Variants in FAM91A1 observed in about 807,000 individuals in gnomAD.
The protein encoded by FAM91A1 is family with sequence similarity 91 member A1.
A neutral mutation model predicts 113.5 loss-of-function variants in FAM91A1; 41 were observed. The observed-to-expected ratio is 0.36, with a 90% CI of 0.28 to 0.47. FAM91A1 has a LOEUF of 0.47. Among genes scored for constraint, FAM91A1 ranks in the 20% least tolerant of loss-of-function variants. FAM91A1 has a pLI of 1.00. For synonymous variants in FAM91A1, 307 were observed against 347.9 expected, an observed-to-expected ratio of 0.88 and a Z score of 1.31; for missense variants, 696 against 1,001.2, an observed-to-expected ratio of 0.70 and a Z score of 4.11.
In FAM91A1 at chr8:123,774,076, C is replaced by G. The variant is rs763146359; in HGVS notation, c.73-4C>G. Reference sequence around the variant, plus strand: ...GTTTAAAATCTTTTTGAAATTTCTCCTAGAGTCTTGGAAATTCACAGAGAG... The same window carrying G: ...GTTTAAAATCTTTTTGAAATTTCTCGTAGAGTCTTGGAAATTCACAGAGAG... On this transcript the variant is annotated splice_polypyrimidine_tract_variant and splice_region_variant and intron_variant, in intron 1 of 23. Coordinates refer to ENST00000334705, the MANE Select transcript of FAM91A1 (RefSeq NM_144963.4). 1.9e-6 allele frequency: 3 copies of G among 1,603,778 alleles called. No individual in the cohort carries two copies. In the South Asian group the frequency reaches 3.4e-5, roughly 18 times the overall value.
Position 123,777,297 on chromosome 8 carries a change from A to G in FAM91A1, c.342A>G (p.Ser114=), listed in dbSNP as rs1261945420. 4 of 1,612,080 alleles carry G rather than the reference A, an allele frequency of 2.5e-6. No homozygotes were observed. The highest frequency in any genetic ancestry group is 3.4e-6 in the Non-Finnish European group (4 of 1,179,198). Residue 114 remains serine, a synonymous_variant, in exon 4 of 24, where the codon TCA becomes TCG. Coordinates refer to ENST00000334705, the MANE Select transcript of FAM91A1 (RefSeq NM_144963.4). ...TGAACAGTGAGAAAAGTTATGATTC[A>G]TTGCCCAATTTTACTGCTGCTGACT... ...DIMNSEKSYD[S]LPNFTAADCL... is the part of the protein sequence containing the mutation.
At chr8:123,798,324 T>TA in intron 16 of FAM91A1, 86 bp downstream of exon 16, 1 of 1,431,096 alleles carries the variant, frequency 7.0e-7, no homozygotes, top group Non-Finnish European at 9.4e-7. Flanking sequence ...TACCAACTAT[T>TA]AAAATCACTG....
At chr8:123,797,875 A>G (rs977050193) in intron 15 of FAM91A1, among the ~76,000 whole-genome samples, 1 of 151,998 alleles carries the variant, frequency 6.6e-6, no homozygotes, top group Non-Finnish European at 1.5e-5. Context: ...CCTGAAGTAG[A>G]TGATTATCTG....
chr8:123,812,422 A>G (rs1815979582), intron 23 of FAM91A1, 97 bp from the exon 24 acceptor site: 1 of 1,059,286 alleles, frequency 9.4e-7, no homozygotes, highest in Non-Finnish European at 1.4e-6. Flanking sequence ...ATCCATAAAC[A>G]CTTCTCAGGT....
Position 123,774,102 on chromosome 8 carries a change from A to G in FAM91A1, c.95A>G (p.Glu32Gly), listed in dbSNP as rs536140069. 1.1e-5 allele frequency: 17 copies of G among 1,607,440 alleles called. No homozygotes were observed. In the East Asian group the frequency reaches 3.1e-4, roughly 30 times the overall value. ...VRQSLGNSQREYEKQVVLYSI... is the reference protein window; with the variant it reads ...VRQSLGNSQRGYEKQVVLYSI... ...TAGAGTCTTGGAAATTCACAGAGAG[A>G]ATATGAAAAGCAGGTTGTCCTGTAC... Residue 32 changes from glutamate to glycine, a missense_variant, in exon 2 of 24, where the codon GAA becomes GGA. Physicochemically the swap from Glu to Gly is moderately conservative, Grantham distance 98 (BLOSUM62 -2). Coordinates refer to ENST00000334705, the MANE Select transcript of FAM91A1 (RefSeq NM_144963.4).
At chr8:123,769,138 G>A (rs141775334) in intron 1 of FAM91A1, among the ~76,000 whole-genome samples, 2 of 152,336 alleles carry the variant, frequency 1.3e-5, no homozygotes, top group African/African-American at 2.4e-5. Context: ...GATACAGGAT[G>A]ATAGCAGCTC....
At chr8:123,810,226 A>C (rs573802838) in intron 22 of FAM91A1, 56 bp from the exon 23 acceptor site, 1 of 1,530,504 alleles carries the variant, frequency 6.5e-7, no homozygotes, top group African/African-American at 1.4e-5. Context: ...CTTATGAGAA[A>C]CTCATTCTTG....
At chr8:123,780,115 A>G in intron 7 of FAM91A1, 40 bp downstream of exon 7, 1 of 1,567,076 alleles carries the variant, frequency 6.4e-7, no homozygotes, top group South Asian at 1.1e-5. Context: ...CAACATAAAA[A>G]CTTGTTTTAA....
chr8:123,790,004 A>AT (rs1327286536), intron 15 of FAM91A1, among the ~76,000 whole-genome samples: 3 of 152,118 alleles, frequency 2.0e-5, no homozygotes, highest in Non-Finnish European at 4.4e-5. Flanking sequence ...GTGTTAATTT[A>AT]TTTAAGTAGC....
chr8:123,789,484 C>G, intron 14 of FAM91A1, 129 bp from the exon 15 acceptor site: 1 of 1,305,526 alleles, frequency 7.7e-7, no homozygotes, highest in South Asian at 1.4e-5. Flanking sequence ...TAACTTGTTT[C>G]GGTATTGCCT....
chr8:123,774,051 G>A, intron 1 of FAM91A1, 29 bp from the exon 2 acceptor site: 4 of 1,579,542 alleles, frequency 2.5e-6, no homozygotes, highest in Admixed American at 1.7e-5. Flanking sequence ...TTTGGAAGTT[G>A]TTTAAAATCT....
intron 21 of FAM91A1, 130 bp downstream of exon 21, chr8:123,808,506 A>C (rs578181654): frequency 1.3e-4 from 79 of 594,986 alleles, no homozygotes; most frequent in Admixed American, 1.8e-4. Flanking sequence ...TTTTCTAGGA[A>C]GCCTTTTTAC....
intron 16 of FAM91A1, among the ~76,000 whole-genome samples, chr8:123,798,611 G>A (rs1164258264): frequency 3.3e-5 from 5 of 152,196 alleles, no homozygotes; most frequent in Admixed American, 6.5e-5. Flanking sequence ...AAAAGATGGT[G>A]CTTGAAAGCT....
At chr8:123,782,162 G>A (rs1815141352) in intron 8 of FAM91A1, among the ~76,000 whole-genome samples, 1 of 152,162 alleles carries the variant, frequency 6.6e-6, no homozygotes, top group Non-Finnish European at 1.5e-5. Flanking sequence ...TCAGAGAAGG[G>A]CCAGATGGAT....
chr8:123,775,668 G>T (rs898354621), intron 3 of FAM91A1, among the ~76,000 whole-genome samples: 2 of 152,150 alleles, frequency 1.3e-5, no homozygotes, highest in African/African-American at 4.8e-5. Flanking sequence ...TATGTTCTGA[G>T]AAAATTAATG....
intron 10 of FAM91A1, 53 bp downstream of exon 10, chr8:123,785,172 A>G (rs546150166): frequency 7.2e-7 from 1 of 1,384,904 alleles, no homozygotes; most frequent in Non-Finnish European, 9.8e-7. Context: ...AGTGGATTTT[A>G]CTAGTAGATT....
chr8:123,801,923 A>G (rs2130139351), intron 18 of FAM91A1, among the ~76,000 whole-genome samples: 1 of 152,244 alleles, frequency 6.6e-6, no homozygotes, highest in East Asian at 1.9e-4. Context: ...GTGACATAAC[A>G]TGCCAGGGTC....
At position 123,809,330 on chromosome 8, in the gene FAM91A1, A is replaced by G. The variant is rs78250481; in HGVS notation, c.2261+314A>G. ...TATGAACCTAGATTTTAAAAAATGT[A>G]TGTCTACAGAAAATTTCTCTGCATT... On this transcript the variant is annotated intron_variant, in intron 22 of 23. Transcript: ENST00000334705. Among the ~76,000 whole-genome samples, 1,100 of 152,282 alleles carry G rather than the reference A, an allele frequency of 7.2e-3. 4 individuals are homozygous for G. Among genetic ancestry groups the G allele is most frequent in the African/African-American group, 0.025 (1,026 of 41,562 alleles).
At position 123,809,068 on chromosome 8, in the gene FAM91A1, G is replaced by A. The variant is rs924586404; in HGVS notation, c.2261+52G>A. 4 of 1,591,082 alleles carry A rather than the reference G, an allele frequency of 2.5e-6. No individual in the cohort carries two copies. In the African/African-American group the frequency reaches 4.0e-5, roughly 16 times the overall value. On this transcript the variant is annotated intron_variant, in intron 22 of 23. Transcript: ENST00000334705. ...TTTCATATCAATTTTTAAGCTGTCAGCAAATAGTTACCATATCTTACTTTT... is the reference window on the plus strand; with the variant it reads ...TTTCATATCAATTTTTAAGCTGTCAACAAATAGTTACCATATCTTACTTTT...
Sources: gnomAD v4.1 joint callset for allele counts (sites outside exome capture counted in the v4.1 genomes callset) on GRCh38, gnomAD v4.1.1 for gene constraint, MANE v1.5 for transcripts, NCBI Gene and HGNC (gene_info 2026-07-23, HGNC 2026-07-21) for gene names.